Variants in EREG observed in about 807,000 individuals in gnomAD.
The protein encoded by EREG is epiregulin.
Under a neutral mutation model 22.4 loss-of-function variants are expected in EREG, and 23 were observed. The observed-to-expected ratio is 1.03, with a 90% confidence interval of 0.74 to 1.46. The LOEUF (loss-of-function observed/expected upper bound fraction) is 1.46, where lower values mean the gene tolerates loss of function less well. Among genes scored for constraint, EREG ranks in the 40% most tolerant of loss-of-function variants. The pLI is 0.00. For synonymous variants in EREG, 100 were observed against 75.4 expected (o/e 1.33, Z -1.69); for missense variants, 226 against 205.9 (o/e 1.10, Z -0.60).
intron 1 of EREG, among the ~76,000 whole-genome samples, chr4:74,376,221 C>A (rs1327012221): frequency 1.3e-5 from 2 of 152,112 alleles, no homozygotes; most frequent in African/African-American, 4.8e-5. Context: ...GGAGGCAATT[C>A]CAAGCAGGAA....
At position 74,365,371 on chromosome 4, in the gene EREG, C is replaced by T. The variant is rs1377648101; in HGVS notation, c.63C>T (p.Cys21=). 39 of 1,611,646 alleles carry T rather than the reference C, an allele frequency of 2.4e-5. No homozygotes were observed. Among genetic ancestry groups the T allele is most frequent in the Non-Finnish European group, 3.2e-5 (38 of 1,179,894 alleles). ...GCAGGGTCCCTGCGCTGCTGCTCTG[C>T]CTGGGTAAGTTCTCCCCCTCTGGCT... The part of the protein sequence containing the change: ...CAGRVPALLL[C]LGFHLLQAVL... The change falls in exon 1 of 5, where the codon TGC becomes TGT. Residue 21 remains cysteine, a synonymous_variant. Coordinates refer to ENST00000244869, the MANE Select transcript of EREG (RefSeq NM_001432.3).
intron 1 of EREG, among the ~76,000 whole-genome samples, chr4:74,372,974 A>ATTTTTTTTTT (rs35483998): frequency 1.1e-4 from 7 of 63,144 alleles, no homozygotes; most frequent in Non-Finnish European, 1.7e-4. Flanking sequence ...CATCTGGCTA[A>ATTTTTTTTTT]TTTTTTTTTT....
intron 1 of EREG, among the ~76,000 whole-genome samples, chr4:74,371,033 C>G (rs1421483671): frequency 6.6e-6 from 1 of 152,092 alleles, no homozygotes; most frequent in Non-Finnish European, 1.5e-5. Context: ...TCTCTACCCA[C>G]TAGATGTCAG....
Position 74,381,080 on chromosome 4 carries a change from G to C in EREG, c.221G>C (p.Gly74Ala). 1 of 1,613,512 alleles carries C rather than the reference G, an allele frequency of 6.2e-7. No individual in the cohort carries two copies. The highest frequency in any genetic ancestry group is 1.1e-5 in the South Asian group (1 of 91,012). Residue 74 changes from glycine to alanine, a missense_variant, in exon 3 of 5, where the codon GGC (glycine) becomes GCC (alanine). Coordinates refer to ENST00000244869, the MANE Select transcript of EREG (RefSeq NM_001432.3). ...SITKCSSDMN[G>A]YCLHGQCIYL... The stretch of plus-strand genomic sequence containing the variant: ...ACAAAGTGTAGCTCTGACATGAATG[G>C]CTATTGTTTGCATGGACAGTGCATC...
At chr4:74,369,412 A>G (rs1262674039) in intron 1 of EREG, among the ~76,000 whole-genome samples, 1 of 152,178 alleles carries the variant, frequency 6.6e-6, no homozygotes, top group African/African-American at 2.4e-5. Flanking sequence ...CACATAGTAC[A>G]TGTATAAGTG....
intron 1 of EREG, among the ~76,000 whole-genome samples, chr4:74,368,934 T>A (rs1040800977): frequency 2.0e-5 from 3 of 152,180 alleles, no homozygotes; most frequent in Admixed American, 1.3e-4. Flanking sequence ...TAATGCCACA[T>A]ACTCAGCGTC....
chr4:74,379,850 G>A (rs773283052), intron 2 of EREG, among the ~76,000 whole-genome samples: 3 of 152,108 alleles, frequency 2.0e-5, no homozygotes, highest in Non-Finnish European at 4.4e-5. Context: ...CACACTGACT[G>A]GATTCCAGGC....
At chr4:74,371,904 T>C (rs1052118695) in intron 1 of EREG, among the ~76,000 whole-genome samples, 1 of 152,014 alleles carries the variant, frequency 6.6e-6, no homozygotes, top group Non-Finnish European at 1.5e-5. Context: ...ATAAATTCTC[T>C]CCTTTCCTTA....
In EREG at chr4:74,387,268, A is replaced by G. The variant is rs535381175; in HGVS notation, c.*2460A>G. The stretch of plus-strand genomic sequence containing the variant: ...CCTGTGGATACCAAGGTACAACTGT[A>G]TTTATTAACGCTTACTAGATGTGAG... On this transcript the variant is annotated 3_prime_UTR_variant, in exon 5 of 5. Transcript: ENST00000244869. 5 of 152,156 alleles carry G rather than the reference A, an allele frequency of 3.3e-5. No individual in the cohort carries two copies. The highest frequency in any genetic ancestry group is 5.9e-5 in the Non-Finnish European group (4 of 68,004). The allele number at this position is 152,156 out of a possible 1,614,324, so 9.4% of individuals were successfully genotyped here.
chr4:74,387,431 T>G lies in EREG; in HGVS notation c.*2623T>G, dbSNP rs1578825652. ...TCAATCTTGGTTTGTCAGTTTATCTTAAGCATGTCAATTCATAAAAACAAG... is the reference window on the plus strand; with the variant it reads ...TCAATCTTGGTTTGTCAGTTTATCTGAAGCATGTCAATTCATAAAAACAAG... On this transcript the variant is annotated 3_prime_UTR_variant, in exon 5 of 5. Transcript: ENST00000244869. 6.6e-6 allele frequency: 1 copy of G among 151,926 alleles called. No homozygotes were observed. Among genetic ancestry groups the G allele is most frequent in the Non-Finnish European group, 1.5e-5 (1 of 68,026 alleles). 9.4% of individuals were successfully genotyped at this position (151,926 alleles called of 1,614,324 possible). A position where few individuals can be genotyped will look rare whatever the true frequency, so the allele number is the denominator to read the frequency against.
chr4:74,382,568 G>A, intron 3 of EREG, 77 bp from the exon 4 acceptor site: 1 of 1,187,228 alleles, frequency 8.4e-7, no homozygotes, highest in Non-Finnish European at 1.2e-6. Flanking sequence ...TGTGATGTTA[G>A]TCCTTATAAA....
intron 3 of EREG, chr4:74,381,911 G>C (rs1382032800): frequency 1.3e-5 from 2 of 150,544 alleles, no homozygotes; most frequent in East Asian, 3.9e-4. Flanking sequence ...CATGAACCCG[G>C]GGGGTGGAGC....
At chr4:74,379,372 G>C (rs779563514) in intron 1 of EREG, 76 bp from the exon 2 acceptor site, 130 of 878,086 alleles carry the variant, frequency 1.5e-4, no homozygotes, top group Non-Finnish European at 2.3e-4. Flanking sequence ...TATAAGTACT[G>C]CAGTTATGTA....
chr4:74,378,650 A>G (rs2110387619), intron 1 of EREG, among the ~76,000 whole-genome samples: 1 of 152,086 alleles, frequency 6.6e-6, no homozygotes, highest in Non-Finnish European at 1.5e-5. Flanking sequence ...GCAAATACCT[A>G]AAGCTTAAAC....
chr4:74,380,662 G>C (rs1002018490), intron 2 of EREG, among the ~76,000 whole-genome samples: 2 of 152,196 alleles, frequency 1.3e-5, no homozygotes, highest in African/African-American at 4.8e-5. Context: ...TTTGGGACTT[G>C]AGAAAAATTA....
At chr4:74,383,456 A>G (rs1328614224) in intron 4 of EREG, among the ~76,000 whole-genome samples, 1 of 152,172 alleles carries the variant, frequency 6.6e-6, no homozygotes, top group Non-Finnish European at 1.5e-5. Context: ...AGTTTGTGTC[A>G]GTCCCCCAAA....
At chr4:74,384,664 T>A in intron 4 of EREG, 63 bp from the exon 5 acceptor site, 3 of 932,528 alleles carry the variant, frequency 3.2e-6, no homozygotes, top group Middle Eastern at 2.1e-4. Context: ...AGTCCATATA[T>A]AACACACTTG....
Position 74,379,558 on chromosome 4 carries a change from G to T in EREG, c.154+24G>T, listed in dbSNP as rs768220381. 3 of 1,322,502 alleles carry T rather than the reference G, an allele frequency of 2.3e-6. No individual in the cohort carries two copies. In the Admixed American group the frequency reaches 5.1e-5, roughly 22 times the overall value. 81.9% of individuals were successfully genotyped at this position (1,322,502 alleles called of 1,614,324 possible). ...AGGTAAGCCCAAGTTTGTCAATGTG[G>T]CATCAAGAGACTACATATTTTTAAA... On this transcript the variant is annotated intron_variant, in intron 2 of 4. Transcript: ENST00000244869.
At chr4:74,378,345 C>T (rs1454911886) in intron 1 of EREG, among the ~76,000 whole-genome samples, 1 of 152,158 alleles carries the variant, frequency 6.6e-6, no homozygotes, top group African/African-American at 2.4e-5. Context: ...ACCGACTAAA[C>T]AAAATCACAT....
Sources: allele counts gnomAD v4.1 joint callset (sites outside exome capture counted in the v4.1 genomes callset), GRCh38; gene constraint gnomAD v4.1.1; transcripts MANE v1.5; gene names NCBI Gene and HGNC (gene_info 2026-07-23, HGNC 2026-07-21).